The following TXNRD1 variants were observed in gnomAD, a reference collection of about 807,000 sequenced individuals.
TXNRD1 encodes the protein thioredoxin reductase 1, cytoplasmic.
Under a neutral mutation model 80.3 loss-of-function variants are expected in TXNRD1, and 57 were observed. That is an observed-to-expected ratio of 0.71 (90% CI 0.57 to 0.89). TXNRD1 has a LOEUF of 0.89. Among genes scored for constraint, TXNRD1 ranks in the 40% least tolerant of loss-of-function variants. The pLI is 0.00. For missense variants in TXNRD1, 730 were observed against 803.0 expected (o/e 0.91, Z 1.10); for synonymous variants, 291 against 285.2 (o/e 1.02, Z -0.20).
At chr12:104,231,652 A>G (rs1016009586) in intron 1 of TXNRD1, among the ~76,000 whole-genome samples, 1 of 152,196 alleles carries the variant, frequency 6.6e-6, no homozygotes, top group African/African-American at 2.4e-5. Flanking sequence ...TTTACTTGCC[A>G]AGATATAGAA....
At chr12:104,319,697 A>G in intron 9 of TXNRD1, 112 bp downstream of exon 9, 1 of 780,922 alleles carries the variant, frequency 1.3e-6, no homozygotes, top group Non-Finnish European at 2.1e-6. Context: ...TTTCTTTGCC[A>G]CATTGTGCCC....
At chr12:104,304,120 G>A in intron 4 of TXNRD1, 1 of 1,614,052 alleles carries the variant, frequency 6.2e-7, no homozygotes, top group Middle Eastern at 1.6e-4. Flanking sequence ...TGAGCTCGGC[G>A]AACAACTCCT....
At chr12:104,259,205 C>G (rs1454349571) in intron 3 of TXNRD1, among the ~76,000 whole-genome samples, 1 of 151,846 alleles carries the variant, frequency 6.6e-6, no homozygotes, top group Admixed American at 6.6e-5. Context: ...ATGGTGAAAC[C>G]CTGTCTCTAC....
At chr12:104,288,716 C>T (rs752291898) in intron 3 of TXNRD1, 150 of 1,410,176 alleles carry the variant, frequency 1.1e-4, no homozygotes, top group South Asian at 1.4e-4. Context: ...ATGTTTTCAG[C>T]CAGTGTGCGG....
At chr12:104,257,564 G>A (rs1411768148) in intron 2 of TXNRD1, among the ~76,000 whole-genome samples, 3 of 151,754 alleles carry the variant, frequency 2.0e-5, no homozygotes, top group African/African-American at 7.3e-5. Context: ...CCACCACCAC[G>A]CCCGGCTAAT....
At chr12:104,285,204 AAATT>A (rs2033945929) in intron 3 of TXNRD1, among the ~76,000 whole-genome samples, 1 of 152,108 alleles carries the variant, frequency 6.6e-6, no homozygotes, top group Non-Finnish European at 1.5e-5. Flanking sequence ...ATAAATAAAT[AAATT>A]GCTGCATGAT....
chr12:104,305,907 C>CT (rs908762425), intron 4 of TXNRD1, among the ~76,000 whole-genome samples: 3 of 151,578 alleles, frequency 2.0e-5, no homozygotes, highest in Non-Finnish European at 4.4e-5. Flanking sequence ...GCATTTCTAT[C>CT]TTTTTTTTTC....
At chr12:104,274,918 C>A (rs1030153140) in intron 3 of TXNRD1, among the ~76,000 whole-genome samples, 17 of 151,994 alleles carry the variant, frequency 1.1e-4, no homozygotes, top group Non-Finnish European at 2.2e-4. Context: ...GGTTTTCTAC[C>A]TGAAAACTTT....
At chr12:104,334,076 A>C (rs913139210) in intron 14 of TXNRD1, 161 bp from the exon 15 acceptor site, 11 of 386,382 alleles carry the variant, frequency 2.8e-5, no homozygotes, top group Non-Finnish European at 5.1e-5. Flanking sequence ...CAAGGAGTTG[A>C]AAGTCATTTA....
At chr12:104,265,856 C>T (rs1385106996) in intron 3 of TXNRD1, 17 of 1,297,968 alleles carry the variant, frequency 1.3e-5, no homozygotes, top group Non-Finnish European at 1.7e-5. Flanking sequence ...GGCCCTCGTC[C>T]GGGTGTGCCC....
In TXNRD1 at chr12:104,304,730, G is replaced by T. The variant is rs778612480; in HGVS notation, c.415-6560G>T. 5 of 1,613,656 alleles carry T rather than the reference G, an allele frequency of 3.1e-6. No homozygotes were observed. Among genetic ancestry groups the T allele is most frequent in the Non-Finnish European group, 4.2e-6 (5 of 1,179,792 alleles). Reference sequence around the variant, plus strand: ...GAATATATTTTATGTTTCTTTTATTGTAAGAGATGGTTTTGCAAGAATAAG... The same window carrying T: ...GAATATATTTTATGTTTCTTTTATTTTAAGAGATGGTTTTGCAAGAATAAG... On this transcript the variant is annotated intron_variant, in intron 4 of 16. Coordinates refer to ENST00000525566, the MANE Select transcript of TXNRD1 (RefSeq NM_001093771.3).
intron 16 of TXNRD1, among the ~76,000 whole-genome samples, chr12:104,342,865 G>A (rs1299503672): frequency 2.0e-5 from 3 of 152,182 alleles, no homozygotes; most frequent in Non-Finnish European, 4.4e-5. Flanking sequence ...AAGTGAAGTG[G>A]CAGATCCAGT....
intron 1 of TXNRD1, among the ~76,000 whole-genome samples, chr12:104,241,593 C>T (rs2032867969): frequency 6.6e-6 from 1 of 152,140 alleles, no homozygotes; most frequent in African/African-American, 2.4e-5. Context: ...GTCTCGAACT[C>T]CTGACCTCAG....
chr12:104,312,155 A>AC (rs2035160121), intron 5 of TXNRD1, among the ~76,000 whole-genome samples: 1 of 152,108 alleles, frequency 6.6e-6, no homozygotes, highest in Non-Finnish European at 1.5e-5. Context: ...TCTCTCCAAT[A>AC]TAAAAAAAGA....
Position 104,267,634 on chromosome 12 carries a change from T to G in TXNRD1, c.304+9555T>G, listed in dbSNP as rs1041803522. Among the ~76,000 whole-genome samples the G allele has an allele frequency of 2.0e-5, 3 of 147,666 alleles. No homozygotes were observed. The East Asian group carries it at 5.8e-4, about 29-fold the overall frequency. On this transcript the variant is annotated intron_variant, in intron 3 of 16. Transcript: ENST00000525566. ...GTGTTGATATCATGATAGGTGTTCC[T>G]AGATGTGATGGTATCTTTCTTTCTT...
chr12:104,231,083 C>T (rs1024395233), intron 1 of TXNRD1, among the ~76,000 whole-genome samples: 4 of 152,214 alleles, frequency 2.6e-5, no homozygotes, highest in African/African-American at 7.2e-5. Context: ...TCTAAGAGCC[C>T]GGTCTTCCCT....
At chr12:104,252,549 G>A (rs543986686) in intron 2 of TXNRD1, among the ~76,000 whole-genome samples, 16 of 150,300 alleles carry the variant, frequency 1.1e-4, no homozygotes, top group South Asian at 6.3e-4. Context: ...TCATAGGAAG[G>A]CTGAGGGCAT....
Position 104,304,783 on chromosome 12 carries a change from A to G in TXNRD1, c.415-6507A>G, listed in dbSNP as rs763136842. ...TTGATGAAGACAGGCTGCCAATATT[A>G]GAGCCGATGAATGTTAACCAAATGG... On this transcript the variant is annotated intron_variant, in intron 4 of 16. Transcript: ENST00000525566. The G allele has an allele frequency of 2.0e-5, 33 of 1,613,926 alleles. No individual in the cohort carries two copies. In the East Asian group the frequency reaches 2.5e-4, roughly 12 times the overall value.
chr12:104,227,012 G>T (rs2032487305), intron 1 of TXNRD1, among the ~76,000 whole-genome samples: 1 of 152,076 alleles, frequency 6.6e-6, no homozygotes, highest in Admixed American at 6.6e-5. Context: ...AGACCCAAAA[G>T]ACTGTCAATT....
Sources: gnomAD v4.1 joint callset for allele counts (sites outside exome capture counted in the v4.1 genomes callset) on GRCh38, gnomAD v4.1.1 for gene constraint, MANE v1.5 for transcripts, NCBI Gene and HGNC (gene_info 2026-07-23, HGNC 2026-07-21) for gene names.